Variants in CFHR3 observed in about 807,000 individuals in gnomAD.
CFHR3 encodes the protein complement factor H related 3.
In CFHR3, 22 loss-of-function variants were observed where a neutral mutation model predicts 36.0. That is an observed-to-expected ratio of 0.61 (90% CI 0.44 to 0.87). CFHR3 has a LOEUF of 0.87. CFHR3 is among the 40% of genes least tolerant of loss of function. CFHR3 has a pLI of 0.00. For missense variants in CFHR3, 276 were observed against 401.3 expected, an observed-to-expected ratio of 0.69 and a Z score of 2.67; for synonymous variants, 97 against 137.4, an observed-to-expected ratio of 0.71 and a Z score of 2.06.
Position 196,793,555 on chromosome 1 carries a change from T to G in CFHR3, c.*42T>G. The G allele has an allele frequency of 6.8e-7, 1 of 1,463,386 alleles. No homozygotes were observed. The highest frequency in any genetic ancestry group is 1.3e-5 in the South Asian group (1 of 78,520). The allele number at this position is 1,463,386 out of a possible 1,614,324, so 90.7% of individuals were successfully genotyped here. On this transcript the variant is annotated 3_prime_UTR_variant, in exon 6 of 6. Transcript: ENST00000367425. ...TAAATGTATGTCCAACTTCCACTTTTCCACTTCTCACTCTTATGGTCTCAA... is the reference window on the plus strand; with the variant it reads ...TAAATGTATGTCCAACTTCCACTTTGCCACTTCTCACTCTTATGGTCTCAA...
chr1:196,784,152 A>T (rs1475098659), intron 3 of CFHR3, among the ~76,000 whole-genome samples: 1 of 136,268 alleles, frequency 7.3e-6, no homozygotes, highest in Non-Finnish European at 1.6e-5. Context: ...GTTTGATTGC[A>T]CTGTGGTCTG....
intron 3 of CFHR3, among the ~76,000 whole-genome samples, chr1:196,786,709 C>A (rs1336826218): frequency 7.3e-6 from 1 of 137,012 alleles, no homozygotes; most frequent in East Asian, 2.0e-4. Flanking sequence ...CCGTGTGTCA[C>A]CCCTTTCTTT....
chr1:196,779,923 T>C lies in CFHR3; in HGVS notation c.380T>C (p.Val127Ala). Residue 127 changes from valine (V) to alanine (A), a missense_variant, in exon 3 of 6, where the codon GTT becomes GCT. Val to Ala is a moderately conservative substitution (Grantham distance 64). Transcript: ENST00000367425. ...GYGLPKAQTT[V>A]TCTEKGWSPT... Reference sequence around the variant, plus strand: ...GGTCTTCCAAAAGCGCAGACCACAGTTACATGTACGGAGAAAGGCTGGTCT... The same window carrying C: ...GGTCTTCCAAAAGCGCAGACCACAGCTACATGTACGGAGAAAGGCTGGTCT... 1 of 1,533,346 alleles carries C rather than the reference T, an allele frequency of 6.5e-7. No individual in the cohort carries two copies. Among genetic ancestry groups the C allele is most frequent in the Non-Finnish European group, 8.8e-7 (1 of 1,133,418 alleles). The allele number at this position is 1,533,346 out of a possible 1,614,324, so 95.0% of individuals were successfully genotyped here. A position where few individuals can be genotyped will look rare whatever the true frequency, so the allele number is the denominator to read the frequency against.
At chr1:196,780,087 G>A in intron 3 of CFHR3, 114 bp downstream of exon 3, 1 of 1,337,036 alleles carries the variant, frequency 7.5e-7, no homozygotes, top group Non-Finnish European at 1.0e-6. Context: ...AACTTGTTTT[G>A]CCAACGGACC....
In CFHR3 at chr1:196,794,774, T is replaced by A. The variant is rs1373379165; in HGVS notation, c.*1261T>A. 3.7e-6 allele frequency: 1 copy of A among 271,410 alleles called. No individual in the cohort carries two copies. Among genetic ancestry groups the A allele is most frequent in the Non-Finnish European group, 7.1e-6 (1 of 141,576 alleles). 16.8% of individuals were successfully genotyped at this position (271,410 alleles called of 1,614,324 possible). ...ATTTTTACCCCCAGTTAGCATATGG[T>A]TAGTGAGAAGTTGCAGGGTAAGAAG... On this transcript the variant is annotated 3_prime_UTR_variant, in exon 6 of 6. Coordinates refer to ENST00000367425, the MANE Select transcript of CFHR3 (RefSeq NM_021023.6).
intron 4 of CFHR3, chr1:196,788,806 G>A (rs1654311994): frequency 6.9e-7 from 1 of 1,457,484 alleles, no homozygotes; most frequent in Non-Finnish European, 9.1e-7. Context: ...GGAGAAATGA[G>A]TGCTTAATTC....
At chr1:196,789,826 A>G in intron 4 of CFHR3, 2 of 1,119,608 alleles carry the variant, frequency 1.8e-6, no homozygotes, top group Non-Finnish European at 2.4e-6. Flanking sequence ...CTACATATGT[A>G]TATGTACACA....
chr1:196,779,156 T>C lies in CFHR3; in HGVS notation c.59-6T>C, dbSNP rs759828438. ...TTATACTTTTTTGTTTGTTTTTTAT[T>C]GCAAGTGAAACCTTGTGATTTTCCA... On this transcript the variant is annotated splice_polypyrimidine_tract_variant and splice_region_variant and intron_variant, in intron 1 of 5. Coordinates refer to ENST00000367425, the MANE Select transcript of CFHR3 (RefSeq NM_021023.6). The C allele has an allele frequency of 2.6e-6, 4 of 1,511,800 alleles. 1 individual carries two copies. Among genetic ancestry groups the C allele is most frequent in the Non-Finnish European group, 3.6e-6 (4 of 1,114,540 alleles). 93.6% of individuals were successfully genotyped at this position (1,511,800 alleles called of 1,614,324 possible). A position where few individuals can be genotyped will look rare whatever the true frequency, so the allele number is the denominator to read the frequency against.
chr1:196,788,353 A>G lies in CFHR3; in HGVS notation c.568A>G (p.Ile190Val), dbSNP rs1231679685. 6.5e-7 allele frequency: 1 copy of G among 1,530,472 alleles called. No homozygotes were observed. The highest frequency in any genetic ancestry group is 1.3e-5 in the South Asian group (1 of 79,786). 94.8% of individuals were successfully genotyped at this position (1,530,472 alleles called of 1,614,324 possible). A position where few individuals can be genotyped will look rare whatever the true frequency, so the allele number is the denominator to read the frequency against. Reference protein sequence around the residue: ...ATADGNSSGSITCLQNGWSAQ... With the variant: ...ATADGNSSGSVTCLQNGWSAQ... The stretch of plus-strand genomic sequence containing the variant: ...AGCAGATGGAAATTCTTCAGGATCA[A>G]TTACATGTTTGCAAAATGGATGGTC... Residue 190 changes from isoleucine to valine, a missense_variant, in exon 4 of 6, where the codon ATT (isoleucine) becomes GTT (valine). Transcript: ENST00000367425.
intron 3 of CFHR3, among the ~76,000 whole-genome samples, chr1:196,780,762 A>G: frequency 7.4e-6 from 1 of 134,922 alleles, no homozygotes; most frequent in Non-Finnish European, 1.6e-5. Flanking sequence ...AATAATTGTC[A>G]ATCTTTTTTC....
intron 3 of CFHR3, among the ~76,000 whole-genome samples, chr1:196,783,428 G>C (rs1193141708): frequency 1.5e-5 from 2 of 131,604 alleles, no homozygotes; most frequent in Non-Finnish European, 3.2e-5. Flanking sequence ...GAATCCATCT[G>C]GTCCTGGACT....
At chr1:196,784,665 C>A (rs1654114382) in intron 3 of CFHR3, among the ~76,000 whole-genome samples, 1 of 135,746 alleles carries the variant, frequency 7.4e-6, no homozygotes, top group African/African-American at 3.1e-5. Context: ...GGTAGATCTT[C>A]CTCCATCCTT....
chr1:196,790,871 C>A (rs1654404950), intron 5 of CFHR3, among the ~76,000 whole-genome samples: 1 of 135,986 alleles, frequency 7.4e-6, no homozygotes, highest in Admixed American at 7.1e-5. Flanking sequence ...AATGAGTCTT[C>A]AAGAATGACA....
rs1030386776 is a variant in CFHR3 at position 196,783,595 on chromosome 1, G to A, written c.430+3622G>A. Among the ~76,000 whole-genome samples, 2 of 133,042 alleles carry A rather than the reference G, an allele frequency of 1.5e-5. 1 individual carries two copies. The highest frequency in any genetic ancestry group is 1.4e-4 in the Admixed American group (2 of 13,860). 87.3% of individuals were successfully genotyped at this position (133,042 alleles called of 152,430 possible). ...GATTTTCTAGTTTATTTGCGCAGAG[G>A]TGTTTGTAGTATTCTCTGATGGTAG... On this transcript the variant is annotated intron_variant, in intron 3 of 5. Transcript: ENST00000367425.
At position 196,793,443 on chromosome 1, in the gene CFHR3, C is replaced by T; in HGVS notation, c.923C>T (p.Ala308Val). The T allele has an allele frequency of 6.6e-7, 1 of 1,526,714 alleles. No homozygotes were observed. The highest frequency in any genetic ancestry group is 8.9e-7 in the Non-Finnish European group (1 of 1,129,258). 94.6% of individuals were successfully genotyped at this position (1,526,714 alleles called of 1,614,324 possible). ...IEFMCKLGYN[A>V]NTSILSFQAV... The stretch of plus-strand genomic sequence containing the variant: ...TTTATGTGTAAATTGGGATATAATG[C>T]AAATACATCAATTCTATCATTTCAA... Residue 308 changes from alanine (A) to valine (V), a missense_variant, in exon 6 of 6, where the codon GCA (alanine) becomes GTA (valine). Ala to Val is a moderately conservative substitution (Grantham distance 64). Coordinates refer to ENST00000367425, the MANE Select transcript of CFHR3 (RefSeq NM_021023.6).
chr1:196,792,021 A>G lies in CFHR3; in HGVS notation c.797-1296A>G, dbSNP rs188742408. On this transcript the variant is annotated intron_variant, in intron 5 of 5. Transcript: ENST00000367425. ...GAATTCTAGGGAAAAAGGCAACCTT[A>G]TGGAAAAGATTACATATACATATGG... 1.3e-3 allele frequency among the ~76,000 whole-genome samples: 170 copies of G among 133,712 alleles called. 32 individuals carry two copies. In the Middle Eastern group the frequency reaches 0.024, roughly 19 times the overall value. The allele number at this position is 133,712 out of a possible 152,430, so 87.7% of individuals were successfully genotyped here. A position where few individuals can be genotyped will look rare whatever the true frequency, so the allele number is the denominator to read the frequency against.
At chr1:196,775,594 G>C (rs1391025169) in intron 1 of CFHR3, among the ~76,000 whole-genome samples, 1 of 136,886 alleles carries the variant, frequency 7.3e-6, no homozygotes, top group Non-Finnish European at 1.6e-5. Flanking sequence ...TAAATATACA[G>C]AAAATACTTT....
intron 3 of CFHR3, among the ~76,000 whole-genome samples, chr1:196,780,864 ATATGT>A (rs1343917821): frequency 3.0e-5 from 4 of 132,450 alleles, no homozygotes; most frequent in Non-Finnish European, 4.7e-5. Flanking sequence ...GGTTAGTTAC[ATATGT>A]ATACATGTGC....
At position 196,794,512 on chromosome 1, in the gene CFHR3, T is replaced by C. The variant is rs1654525298; in HGVS notation, c.*999T>C. On this transcript the variant is annotated 3_prime_UTR_variant, in exon 6 of 6. Coordinates refer to ENST00000367425, the MANE Select transcript of CFHR3 (RefSeq NM_021023.6). The stretch of plus-strand genomic sequence containing the variant: ...AAATTCCTATTTAAGGAAATAATTC[T>C]TTTTCTGATTTATTTAAGGCTACAT... 2.6e-6 allele frequency: 1 copy of C among 384,712 alleles called. No homozygotes were observed. Among genetic ancestry groups the C allele is most frequent in the Non-Finnish European group, 5.0e-6 (1 of 198,376 alleles). The allele number at this position is 384,712 out of a possible 1,614,324, so 23.8% of individuals were successfully genotyped here. A position where few individuals can be genotyped will look rare whatever the true frequency, so the allele number is the denominator to read the frequency against.
Sources: gnomAD v4.1 joint callset for allele counts (sites outside exome capture counted in the v4.1 genomes callset) on GRCh38, gnomAD v4.1.1 for gene constraint, MANE v1.5 for transcripts, NCBI Gene and HGNC (gene_info 2026-07-23, HGNC 2026-07-21) for gene names.